ASB4: variants seen among roughly 807,000 people sequenced by gnomAD.
ASB4 encodes ankyrin repeat and SOCS box containing 4.
A neutral mutation model predicts 38.6 loss-of-function variants in ASB4; 35 were observed. The ratio of observed to expected loss-of-function variants is 0.91; its 90% CI spans 0.69 to 1.20. The LOEUF is 1.20. Among genes scored for constraint, ASB4 ranks in the 50% most tolerant of loss-of-function variants. The probability of loss-of-function intolerance (pLI) is 0.00; values close to 1 mark genes in which losing one functional copy is unlikely to be tolerated. For synonymous variants in ASB4, 195 were observed against 201.3 expected (o/e 0.97, Z 0.26); for missense variants, 557 against 527.2 (o/e 1.06, Z -0.55).
chr7:95,511,941 T>C (rs969667640), intron 2 of ASB4, among the ~76,000 whole-genome samples: 1 of 152,206 alleles, frequency 6.6e-6, no homozygotes, highest in African/African-American at 2.4e-5. Context: ...GTCTCGGGAC[T>C]GCCTTGGGTG....
At chr7:95,528,493 A>G (rs947796046) in intron 3 of ASB4, 190 bp downstream of exon 3, 24 of 1,434,340 alleles carry the variant, frequency 1.7e-5, no homozygotes, top group Non-Finnish European at 1.7e-5. Context: ...TTTGCTTGAA[A>G]TTGGGTGTGA....
Position 95,537,645 on chromosome 7 carries a change from A to T in ASB4, c.1167A>T (p.Arg389Ser). Residue 389 changes from arginine (R) to serine (S), a missense_variant, in exon 5 of 5, where the codon AGA becomes AGT. Arg to Ser is a moderately radical substitution (Grantham distance 110). Coordinates refer to ENST00000325885, the MANE Select transcript of ASB4 (RefSeq NM_016116.3). ...NSPRTLMHLSRCAIRRTLHNR... is the reference protein window; with the variant it reads ...NSPRTLMHLSSCAIRRTLHNR... Reference sequence around the variant, plus strand: ...CAAGGACTCTCATGCACTTATCGAGATGTGCCATTAGAAGAACATTACACA... The same window carrying T: ...CAAGGACTCTCATGCACTTATCGAGTTGTGCCATTAGAAGAACATTACACA... The T allele has an allele frequency of 2.5e-6, 4 of 1,613,756 alleles. No individual in the cohort carries two copies. The highest frequency in any genetic ancestry group is 3.4e-6 in the Non-Finnish European group (4 of 1,179,738).
intron 2 of ASB4, among the ~76,000 whole-genome samples, chr7:95,515,350 T>C (rs1331993157): frequency 2.9e-5 from 4 of 136,640 alleles, no homozygotes; most frequent in African/African-American, 7.9e-5. Flanking sequence ...TCTTTCTTTC[T>C]TTTTCTTTCT....
Position 95,539,284 on chromosome 7 carries a change from C to G in ASB4, c.*1525C>G, listed in dbSNP as rs1260885237. On this transcript the variant is annotated 3_prime_UTR_variant, in exon 5 of 5. Coordinates refer to ENST00000325885, the MANE Select transcript of ASB4 (RefSeq NM_016116.3). ...CCAATAGGCTATCATTTAATGTTAACTGGCAATCACCTAACTGGTTAATCT... is the reference window on the plus strand; with the variant it reads ...CCAATAGGCTATCATTTAATGTTAAGTGGCAATCACCTAACTGGTTAATCT... The G allele has an allele frequency of 6.6e-6, 1 of 152,196 alleles. No individual in the cohort carries two copies. The highest frequency in any genetic ancestry group is 2.4e-5 in the African/African-American group (1 of 41,450). 9.4% of individuals were successfully genotyped at this position (152,196 alleles called of 1,614,324 possible).
upstream of ASB4, among the ~76,000 whole-genome samples, chr7:95,476,378 T>G (rs1194002759): frequency 1.3e-5 from 2 of 152,202 alleles, no homozygotes; most frequent in Admixed American, 6.5e-5. Context: ...TGCAGGTGAC[T>G]GACATTCTTT....
At chr7:95,530,656 G>C (rs1034324659) in intron 3 of ASB4, among the ~76,000 whole-genome samples, 5 of 152,010 alleles carry the variant, frequency 3.3e-5, no homozygotes, top group Non-Finnish European at 7.4e-5. Flanking sequence ...AAATCCAAGA[G>C]GTATATATGT....
chr7:95,528,615 G>C, intron 3 of ASB4: 1 of 1,324,630 alleles, frequency 7.5e-7, no homozygotes, highest in Non-Finnish European at 9.6e-7. Flanking sequence ...GGTGAATAGT[G>C]TTAGACAGGC....
chr7:95,495,889 G>A lies in ASB4; in HGVS notation c.319G>A (p.Gly107Arg). 2 of 1,614,088 alleles carry A rather than the reference G, an allele frequency of 1.2e-6. No homozygotes were observed. The highest frequency in any genetic ancestry group is 2.2e-5 in the East Asian group (1 of 44,884). ...TGCTACAATCAACTGTAGACCCAAT[G>A]GGAAAACCCCTCTTCACGTGGCTTG... is the stretch of plus-strand genomic sequence containing the variant. ...HNATINCRPN[G>R]KTPLHVACEM... Residue 107 changes from glycine to arginine, a missense_variant, in exon 2 of 5, where the codon GGG (glycine) becomes AGG (arginine). Coordinates refer to ENST00000325885, the MANE Select transcript of ASB4 (RefSeq NM_016116.3).
At chr7:95,493,052 A>C (rs1790194637) in intron 1 of ASB4, among the ~76,000 whole-genome samples, 1 of 152,196 alleles carries the variant, frequency 6.6e-6, no homozygotes, top group Non-Finnish European at 1.5e-5. Context: ...GATGCTCCCC[A>C]GCCCAGACTG....
chr7:95,495,175 G>A (rs941864364), intron 1 of ASB4, among the ~76,000 whole-genome samples: 2 of 151,950 alleles, frequency 1.3e-5, no homozygotes, highest in African/African-American at 2.4e-5. Flanking sequence ...CCTTAAATTC[G>A]TCTTTGGAAA....
intron 2 of ASB4, among the ~76,000 whole-genome samples, chr7:95,503,607 C>G (rs1790369320): frequency 2.6e-5 from 4 of 152,234 alleles, no homozygotes; most frequent in Admixed American, 2.6e-4. Flanking sequence ...AATTTTCTCT[C>G]TCTTAGATTA....
In ASB4 at chr7:95,528,132, C is replaced by G; in HGVS notation, c.807C>G (p.His269Gln). 1.2e-6 allele frequency: 2 copies of G among 1,614,210 alleles called. No homozygotes were observed. Among genetic ancestry groups the G allele is most frequent in the Non-Finnish European group, 1.7e-6 (2 of 1,180,038 alleles). Residue 269 changes from histidine to glutamine, a missense_variant, in exon 3 of 5, where the codon CAC becomes CAG. Coordinates refer to ENST00000325885, the MANE Select transcript of ASB4 (RefSeq NM_016116.3). ...GGAACTGTGACCACGTGCTCATGCA[C>G]ATGATGCTGGAAGCTGGCGCCGAAG... is the stretch of plus-strand genomic sequence containing the variant. ...AAWNCDHVLM[H>Q]MMLEAGAEAN...
Position 95,528,220 on chromosome 7 carries a change from C to G in ASB4, c.895C>G (p.Arg299Gly). ...GTACGTGCTGAAGGTCACCTCCGTG[C>G]GCCCTGCTGCCCAGCCTGAGATCTG... ...IQYVLKVTSV[R>G]PAAQPEICYQ... Residue 299 changes from arginine to glycine, a missense_variant, in exon 3 of 5, where the codon CGC (arginine) becomes GGC (glycine). Coordinates refer to ENST00000325885, the MANE Select transcript of ASB4 (RefSeq NM_016116.3). 6.2e-7 allele frequency: 1 copy of G among 1,614,164 alleles called. No individual in the cohort carries two copies. Among genetic ancestry groups the G allele is most frequent in the South Asian group, 1.1e-5 (1 of 91,086 alleles).
intron 3 of ASB4, among the ~76,000 whole-genome samples, chr7:95,532,417 C>A (rs182948533): frequency 6.6e-6 from 1 of 151,808 alleles, no homozygotes; most frequent in South Asian, 2.1e-4. Context: ...TTTCTCCCAG[C>A]GTAATTCAGA....
intron 2 of ASB4, among the ~76,000 whole-genome samples, chr7:95,501,702 T>TC (rs1790340170): frequency 6.6e-6 from 1 of 152,192 alleles, no homozygotes; most frequent in South Asian, 2.1e-4. Flanking sequence ...GGCCAACCTT[T>TC]CACTCCCTAG....
chr7:95,508,697 G>A (rs906068756), intron 2 of ASB4, among the ~76,000 whole-genome samples: 3 of 152,118 alleles, frequency 2.0e-5, no homozygotes, highest in African/African-American at 7.2e-5. Flanking sequence ...ACTCATAATG[G>A]CCCCAGATAG....
chr7:95,501,062 G>C (rs1790330109), intron 2 of ASB4, among the ~76,000 whole-genome samples: 1 of 151,966 alleles, frequency 6.6e-6, no homozygotes, highest in African/African-American at 2.4e-5. Context: ...AAACATGCAA[G>C]CTTTTTATTT....
intron 1 of ASB4, among the ~76,000 whole-genome samples, chr7:95,487,808 C>T (rs1790114046): frequency 2.0e-5 from 3 of 152,288 alleles, no homozygotes; most frequent in South Asian, 4.1e-4. Context: ...TAGCAAATTA[C>T]ACCCTCTGGA....
chr7:95,489,188 C>G (rs374257962), intron 1 of ASB4, among the ~76,000 whole-genome samples: 1 of 152,158 alleles, frequency 6.6e-6, no homozygotes, highest in South Asian at 2.1e-4. Context: ...TAGTGCTTCC[C>G]AAATTTACAA....
Sources: gnomAD v4.1 joint callset for allele counts (sites outside exome capture counted in the v4.1 genomes callset) on GRCh38, gnomAD v4.1.1 for gene constraint, MANE v1.5 for transcripts, NCBI Gene and HGNC (gene_info 2026-07-23, HGNC 2026-07-21) for gene names.